The following CDH2 variants were observed in gnomAD, a reference collection of about 807,000 sequenced individuals.
The protein encoded by CDH2 is cadherin 2, also known as cadherin-2.
Under a neutral mutation model 92.0 loss-of-function variants are expected in CDH2, and 17 were observed. The ratio of observed to expected loss-of-function variants is 0.18; its 90% CI spans 0.13 to 0.28. The LOEUF is 0.28. CDH2 is among the 10% of genes least tolerant of loss of function. The pLI is 1.00. For missense variants in CDH2, 862 were observed against 1,133.1 expected (o/e 0.76, Z 3.44); for synonymous variants, 419 against 415.9 (o/e 1.01, Z -0.09).
At chr18:28,156,774 A>C (rs2871745) in intron 1 of CDH2, among the ~76,000 whole-genome samples, 4 of 112,848 alleles carry the variant, frequency 3.5e-5, no homozygotes, top group Non-Finnish European at 5.7e-5. Context: ...CCAGGTACAG[A>C]ATGTCACCTT....
At chr18:27,972,717 C>T (rs921556834) in intron 14 of CDH2, among the ~76,000 whole-genome samples, 2 of 152,168 alleles carry the variant, frequency 1.3e-5, no homozygotes, top group Non-Finnish European at 2.9e-5. Flanking sequence ...AGCAGTTCAA[C>T]TAACATTCTA....
chr18:28,024,668 C>T, intron 2 of CDH2, among the ~76,000 whole-genome samples: 2 of 151,722 alleles, frequency 1.3e-5, no homozygotes, highest in East Asian at 1.9e-4. Flanking sequence ...GTTTCTGGAA[C>T]TTACTGTTCT....
chr18:28,148,721 G>C (rs2016076079), intron 1 of CDH2, among the ~76,000 whole-genome samples: 2 of 152,180 alleles, frequency 1.3e-5, no homozygotes, highest in Non-Finnish European at 2.9e-5. Context: ...CCACCCTAGT[G>C]AGAACCAGAA....
chr18:28,129,860 A>G (rs1184519221), intron 2 of CDH2, among the ~76,000 whole-genome samples: 4 of 152,212 alleles, frequency 2.6e-5, no homozygotes, highest in African/African-American at 4.8e-5. Flanking sequence ...TCTATGTCCC[A>G]GTAAACATAA....
downstream of CDH2, among the ~76,000 whole-genome samples, chr18:27,949,242 A>C (rs1210992710): frequency 6.6e-6 from 1 of 151,994 alleles, no homozygotes; most frequent in Non-Finnish European, 1.5e-5. Context: ...GGCTTTTAGA[A>C]AGCCTTGTCT....
rs45567242 is a variant in CDH2, at chr18:28,003,563, G to A, written c.848-394C>T. Among the ~76,000 whole-genome samples, 849 of 152,144 alleles carry A rather than the reference G, an allele frequency of 5.6e-3. 2 individuals carry two copies. Among genetic ancestry groups the A allele is most frequent in the Admixed American group, 7.9e-3 (121 of 15,276 alleles). ...TCTTCCCTCTGTCATCTTTTCTTCC[G>A]TTATGCAATGATGTCTAAAATAACA... is the stretch of plus-strand genomic sequence containing the variant. On this transcript the variant is annotated intron_variant, in intron 6 of 15. Transcript: ENST00000269141.
intron 2 of CDH2, among the ~76,000 whole-genome samples, chr18:28,105,165 G>A (rs1469756493): frequency 1.3e-5 from 2 of 152,070 alleles, no homozygotes; most frequent in African/African-American, 2.4e-5. Flanking sequence ...AAGCTCTAAA[G>A]TTCCATCCTG....
chr18:27,993,751 G>A (rs2012499638), intron 7 of CDH2, 114 bp from the exon 8 acceptor site: 1 of 787,402 alleles, frequency 1.3e-6, no homozygotes, highest in Non-Finnish European at 2.0e-6. Flanking sequence ...CATTCATTCT[G>A]ATTAACATGA....
At chr18:28,025,972 C>T (rs1025714524) in intron 2 of CDH2, among the ~76,000 whole-genome samples, 1 of 152,064 alleles carries the variant, frequency 6.6e-6, no homozygotes, top group Non-Finnish European at 1.5e-5. Context: ...TATTATATTA[C>T]CTAATTAATA....
chr18:28,038,220 C>T (rs4800839), intron 2 of CDH2, among the ~76,000 whole-genome samples: 25,532 of 151,970 alleles, frequency 0.17, 2,432 homozygotes, highest in East Asian at 0.29. Flanking sequence ...CCCAGGAGTT[C>T]GAGACCAGCC....
intron 2 of CDH2, among the ~76,000 whole-genome samples, chr18:28,047,868 C>CAAAAAA (rs149752979): frequency 4.7e-4 from 22 of 46,892 alleles, no homozygotes; most frequent in South Asian, 9.3e-4. Flanking sequence ...GACTCCATCT[C>CAAAAAA]AAAAAAAAAA....
intron 14 of CDH2, among the ~76,000 whole-genome samples, chr18:27,974,658 G>A (rs1567944715): frequency 6.6e-6 from 1 of 152,132 alleles, no homozygotes; most frequent in Non-Finnish European, 1.5e-5. Context: ...CAATACAATA[G>A]TATTAAGAAG....
chr18:28,087,124 T>A (rs2014946548), intron 2 of CDH2, among the ~76,000 whole-genome samples: 1 of 152,214 alleles, frequency 6.6e-6, no homozygotes, highest in Non-Finnish European at 1.5e-5. Flanking sequence ...CTCTTACTTA[T>A]ACTTTGAAAT....
At chr18:28,031,710 A>C (rs2013700475) in intron 2 of CDH2, among the ~76,000 whole-genome samples, 1 of 152,250 alleles carries the variant, frequency 6.6e-6, no homozygotes, top group South Asian at 2.1e-4. Context: ...GGGAATCACG[A>C]GAACTTGGAA....
At chr18:28,113,042 A>T (rs906573925) in intron 2 of CDH2, among the ~76,000 whole-genome samples, 7 of 152,186 alleles carry the variant, frequency 4.6e-5, no homozygotes, top group Non-Finnish European at 8.8e-5. Context: ...GATGATAATA[A>T]ATCTCCTTTC....
chr18:28,022,415 T>C (rs2144060370), intron 2 of CDH2, among the ~76,000 whole-genome samples: 1 of 152,214 alleles, frequency 6.6e-6, no homozygotes, highest in East Asian at 1.9e-4. Flanking sequence ...TGAAATATTT[T>C]TTAAATCTTT....
intron 2 of CDH2, among the ~76,000 whole-genome samples, chr18:28,074,916 C>G (rs1345260415): frequency 1.3e-5 from 2 of 151,922 alleles, no homozygotes; most frequent in Non-Finnish European, 2.9e-5. Context: ...ACTGAGTTAA[C>G]AGTGTGTCAA....
intron 2 of CDH2, among the ~76,000 whole-genome samples, chr18:28,112,249 C>T (rs1490297580): frequency 6.6e-6 from 1 of 152,212 alleles, no homozygotes; most frequent in Non-Finnish European, 1.5e-5. Context: ...TGGTTTGTTT[C>T]ATATTTTAGC....
At chr18:28,061,993 C>T (rs562651979) in intron 2 of CDH2, among the ~76,000 whole-genome samples, 1 of 152,282 alleles carries the variant, frequency 6.6e-6, no homozygotes, top group East Asian at 1.9e-4. Flanking sequence ...ACCGTATCAC[C>T]TAGAGATCTC....
Sources: allele counts gnomAD v4.1 joint callset (sites outside exome capture counted in the v4.1 genomes callset), GRCh38; gene constraint gnomAD v4.1.1; transcripts MANE v1.5; gene names NCBI Gene and HGNC (gene_info 2026-07-23, HGNC 2026-07-21).